The following PDSS2 variants were observed in gnomAD, a reference collection of about 807,000 sequenced individuals.
The protein encoded by PDSS2 is all trans-polyprenyl-diphosphate synthase PDSS2.
PDSS2 carries 31 observed loss-of-function variants against 44.5 expected under a neutral mutation model. The observed-to-expected ratio is 0.70, with a 90% CI of 0.52 to 0.94. The LOEUF (loss-of-function observed/expected upper bound fraction) is 0.94. Ranked by LOEUF, PDSS2 falls within the 40% of genes least tolerant of loss-of-function variation. PDSS2 has a pLI of 0.00. For synonymous variants in PDSS2, 157 were observed against 180.3 expected (o/e 0.87, Z 1.03); for missense variants, 452 against 482.2 (o/e 0.94, Z 0.59).
chr6:107,455,086 C>T (rs1220251666), intron 1 of PDSS2, among the ~76,000 whole-genome samples: 1 of 151,922 alleles, frequency 6.6e-6, no homozygotes, highest in Non-Finnish European at 1.5e-5. Context: ...GCAACACATA[C>T]ATGCTAGGAC....
intron 1 of PDSS2, among the ~76,000 whole-genome samples, chr6:107,342,186 T>TA (rs772609244): frequency 2.7e-3 from 362 of 134,530 alleles, no homozygotes; most frequent in Middle Eastern, 0.011. Flanking sequence ...AGAATAGTTC[T>TA]AAAAAAAAAA....
chr6:107,344,480 G>A (rs977142900), intron 1 of PDSS2, among the ~76,000 whole-genome samples: 2 of 152,158 alleles, frequency 1.3e-5, no homozygotes, highest in Non-Finnish European at 2.9e-5. Context: ...GAATACAGGA[G>A]CTGTGGCAGT....
At chr6:107,286,101 G>A (rs1342516850) in intron 2 of PDSS2, among the ~76,000 whole-genome samples, 4 of 126,520 alleles carry the variant, frequency 3.2e-5, no homozygotes, top group African/African-American at 6.2e-5. Context: ...GATCTAGGCT[G>A]GAGCCTAGTC....
intron 2 of PDSS2, among the ~76,000 whole-genome samples, chr6:107,316,629 C>A (rs931267960): frequency 6.6e-6 from 1 of 151,834 alleles, no homozygotes; most frequent in African/African-American, 2.4e-5. Context: ...TTCTTTTTTT[C>A]GTGAATATTG....
intron 1 of PDSS2, among the ~76,000 whole-genome samples, chr6:107,380,599 T>G (rs1779427308): frequency 6.6e-6 from 1 of 152,146 alleles, no homozygotes; most frequent in Non-Finnish European, 1.5e-5. Flanking sequence ...TGTGGGGGCC[T>G]CCTTAGTTTT....
At chr6:107,159,053 G>A (rs1159263012) in intron 7 of PDSS2, among the ~76,000 whole-genome samples, 9 of 151,896 alleles carry the variant, frequency 5.9e-5, no homozygotes, top group African/African-American at 2.2e-4. Context: ...TTCTAAGTGG[G>A]GATAATATAA....
chr6:107,360,501 G>A (rs1778736946), intron 1 of PDSS2, among the ~76,000 whole-genome samples: 1 of 152,164 alleles, frequency 6.6e-6, no homozygotes, highest in Non-Finnish European at 1.5e-5. Context: ...CCCACCAGAG[G>A]CATAGTTTAT....
intron 4 of PDSS2, among the ~76,000 whole-genome samples, chr6:107,216,097 A>C (rs1773403082): frequency 6.6e-6 from 1 of 151,924 alleles, no homozygotes; most frequent in Admixed American, 6.6e-5. Flanking sequence ...AGATTTTGCC[A>C]CTGCACTCCA....
At chr6:107,332,836 A>C (rs1777755119) in intron 2 of PDSS2, among the ~76,000 whole-genome samples, 1 of 152,242 alleles carries the variant, frequency 6.6e-6, no homozygotes, top group African/African-American at 2.4e-5. Flanking sequence ...CACTAAACAA[A>C]TATGAACCAT....
chr6:107,402,872 T>C (rs1026057410), intron 1 of PDSS2, among the ~76,000 whole-genome samples: 1 of 152,112 alleles, frequency 6.6e-6, no homozygotes. Flanking sequence ...TTGGGGATTA[T>C]GGGAACTACA....
At chr6:107,212,320 A>G in intron 4 of PDSS2, 38 bp from the exon 5 acceptor site, 1 of 1,493,904 alleles carries the variant, frequency 6.7e-7, no homozygotes. Context: ...AAAAGACTTT[A>G]GGAGTAATTT....
intron 2 of PDSS2, among the ~76,000 whole-genome samples, chr6:107,289,628 C>A (rs376828599): frequency 1.4e-5 from 2 of 144,620 alleles, no homozygotes; most frequent in Non-Finnish European, 3.0e-5. Flanking sequence ...CCTAGGATGT[C>A]GAGGCTGCAG....
chr6:107,300,411 G>A (rs1776655910), intron 2 of PDSS2, among the ~76,000 whole-genome samples: 1 of 152,146 alleles, frequency 6.6e-6, no homozygotes, highest in Non-Finnish European at 1.5e-5. Flanking sequence ...CCTGTTGAGA[G>A]GGGGACTGAG....
chr6:107,235,848 AAC>A (rs1023196078), intron 4 of PDSS2, among the ~76,000 whole-genome samples: 3 of 152,202 alleles, frequency 2.0e-5, no homozygotes, highest in African/African-American at 7.2e-5. Context: ...ATTAAGTAGA[AAC>A]ACAGAACATG....
At chr6:107,242,910 G>A (rs530128084) in intron 4 of PDSS2, among the ~76,000 whole-genome samples, 1 of 152,306 alleles carries the variant, frequency 6.6e-6, no homozygotes, top group East Asian at 1.9e-4. Context: ...AAAGGGCTAT[G>A]AGGAGGTGGC....
At chr6:107,362,880 A>C (rs1029051247) in intron 1 of PDSS2, among the ~76,000 whole-genome samples, 5 of 152,342 alleles carry the variant, frequency 3.3e-5, no homozygotes, top group African/African-American at 1.2e-4. Context: ...AAGTTTAATA[A>C]CTGAAATGAA....
At chr6:107,265,280 AC>A (rs1198456542) in intron 3 of PDSS2, among the ~76,000 whole-genome samples, 2 of 152,316 alleles carry the variant, frequency 1.3e-5, no homozygotes. Flanking sequence ...TGACTGCAGA[AC>A]CCTTCATCTA....
chr6:107,355,466 T>C (rs1035849362), intron 1 of PDSS2, among the ~76,000 whole-genome samples: 2 of 152,202 alleles, frequency 1.3e-5, no homozygotes, highest in Non-Finnish European at 2.9e-5. Flanking sequence ...ACATTATGTA[T>C]CTTAGATAAA....
rs947862535 is a variant in PDSS2 at position 107,216,481 on chromosome 6, C to T, written c.703-4199G>A. Among the ~76,000 whole-genome samples the T allele has an allele frequency of 3.3e-5, 5 of 151,242 alleles. No individual in the cohort carries two copies. The East Asian group carries it at 9.7e-4, about 29-fold the overall frequency. ...GAGCCAGACTCCATCTCAAAGAAAA[C>T]CAAAAAAAACAAAAAACAAAAAACA... On this transcript the variant is annotated intron_variant, in intron 4 of 7. Transcript: ENST00000369037.
Sources: gnomAD v4.1 joint callset for allele counts (sites outside exome capture counted in the v4.1 genomes callset) on GRCh38, gnomAD v4.1.1 for gene constraint, MANE v1.5 for transcripts, NCBI Gene and HGNC (gene_info 2026-07-23, HGNC 2026-07-21) for gene names.